The following DHX15 variants were observed in gnomAD, a reference collection of about 807,000 sequenced individuals.
The protein encoded by DHX15 is DEAH-box helicase 15, also known as ATP-dependent RNA helicase DHX15.
In DHX15, 11 loss-of-function variants were observed where a neutral mutation model predicts 94.4. The observed-to-expected ratio is 0.12, with a 90% confidence interval of 0.07 to 0.19. The LOEUF (loss-of-function observed/expected upper bound fraction) is 0.19, where lower values mean the gene tolerates loss of function less well. Ranked by LOEUF, DHX15 falls within the 10% of genes least tolerant of loss-of-function variation. The pLI is 1.00. For synonymous variants in DHX15, 338 were observed against 329.9 expected (o/e 1.02, Z -0.27); for missense variants, 304 against 988.5 (o/e 0.31, Z 9.29).
chr4:24,546,674 G>T (rs1721431730), intron 6 of DHX15, among the ~76,000 whole-genome samples: 1 of 152,038 alleles, frequency 6.6e-6, no homozygotes, highest in African/African-American at 2.4e-5. Flanking sequence ...ATGTTTAAAA[G>T]GCTGTTTTTT....
chr4:24,576,852 C>T (rs1445519910), intron 1 of DHX15, among the ~76,000 whole-genome samples, 174 bp from the exon 2 acceptor site: 1 of 152,136 alleles, frequency 6.6e-6, no homozygotes, highest in South Asian at 2.1e-4. Flanking sequence ...TCCCATTCTC[C>T]ACCACAAACA....
At chr4:24,583,852 G>A (rs1463241230) in intron 1 of DHX15, among the ~76,000 whole-genome samples, 1 of 151,994 alleles carries the variant, frequency 6.6e-6, no homozygotes, top group East Asian at 1.9e-4. Flanking sequence ...TTTCCCGTCT[G>A]GAGTGCCTGG....
intron 1 of DHX15, 24 bp from the exon 2 acceptor site, chr4:24,576,702 A>G: frequency 6.2e-7 from 1 of 1,606,304 alleles, no homozygotes; most frequent in Non-Finnish European, 8.5e-7. Context: ...TTTAGAATTC[A>G]GATTCTGAAT....
intron 6 of DHX15, among the ~76,000 whole-genome samples, chr4:24,547,247 A>G (rs1721444576): frequency 6.6e-6 from 1 of 152,258 alleles, no homozygotes; most frequent in Non-Finnish European, 1.5e-5. Context: ...TGGATGGCAA[A>G]GTGGCAATAT....
At chr4:24,574,785 T>C (rs1722212426) in intron 2 of DHX15, among the ~76,000 whole-genome samples, 1 of 152,170 alleles carries the variant, frequency 6.6e-6, no homozygotes, top group Non-Finnish European at 1.5e-5. Context: ...AAGTATACAG[T>C]GTCTGGCTTT....
At position 24,547,941 on chromosome 4, in the gene DHX15, A is replaced by C. The variant is rs867200331; in HGVS notation, c.1248+914T>G. ...TATATATATATATATATATATATAT[A>C]TCTATATCTATATCTATATCTATCT... On this transcript the variant is annotated intron_variant, in intron 6 of 13. Transcript: ENST00000336812. 6.4e-3 allele frequency among the ~76,000 whole-genome samples: 211 copies of C among 33,052 alleles called. 5 individuals are homozygous for C. Among genetic ancestry groups the C allele is most frequent in the Middle Eastern group, 0.036 (2 of 56 alleles). The allele number at this position is 33,052 out of a possible 152,430, so 21.7% of individuals were successfully genotyped here.
intron 6 of DHX15, among the ~76,000 whole-genome samples, chr4:24,545,886 C>T (rs987020096): frequency 2.6e-5 from 4 of 152,188 alleles, no homozygotes; most frequent in Non-Finnish European, 5.9e-5. Flanking sequence ...GTTCAAACCG[C>T]ATTGACTAAT....
chr4:24,559,354 A>C (rs1433434276), intron 3 of DHX15, among the ~76,000 whole-genome samples: 1 of 144,482 alleles, frequency 6.9e-6, no homozygotes, highest in East Asian at 2.1e-4. Context: ...TGAGAGAATG[A>C]ATTTGTCAAT....
intron 5 of DHX15, among the ~76,000 whole-genome samples, chr4:24,552,295 T>G (rs1490539191): frequency 1.3e-5 from 2 of 152,212 alleles, no homozygotes; most frequent in Non-Finnish European, 2.9e-5. Flanking sequence ...AGCAGCAATA[T>G]GTTAGTAAAT....
intron 3 of DHX15, among the ~76,000 whole-genome samples, chr4:24,560,868 T>C (rs1721859210): frequency 6.6e-6 from 1 of 152,080 alleles, no homozygotes; most frequent in African/African-American, 2.4e-5. Context: ...TAAATGCAAA[T>C]TAAAACCATA....
chr4:24,550,094 C>CAAAAAAAAAAAAAAAAAAAAAAAAAAAA lies in DHX15; in HGVS notation c.1081-1100_1081-1073dup, dbSNP rs58459661. Among the ~76,000 whole-genome samples, 34 of 49,740 alleles carry CAAAAAAAAAAAAAAAAAAAAAAAAAAAA rather than the reference C, an allele frequency of 6.8e-4. 7 individuals carry two copies. The highest frequency in any genetic ancestry group is 2.4e-3 in the South Asian group (2 of 836). The allele number at this position is 49,740 out of a possible 152,430, so 32.6% of individuals were successfully genotyped here. A position where few individuals can be genotyped will look rare whatever the true frequency, so the allele number is the denominator to read the frequency against. ...GGGCAAAAAGAGGGAAACTCCGTCT[C>CAAAAAAAAAAAAAAAAAAAAAAAAAAAA]AAAAAAAAAAAAAAAAAAAAAAAAA... is the stretch of plus-strand genomic sequence containing the variant. On this transcript the variant is annotated intron_variant, in intron 5 of 13. Coordinates refer to ENST00000336812, the MANE Select transcript of DHX15 (RefSeq NM_001358.3).
intron 1 of DHX15, among the ~76,000 whole-genome samples, chr4:24,582,287 T>C (rs539167554): frequency 1.3e-5 from 2 of 152,330 alleles, no homozygotes; most frequent in South Asian, 4.1e-4. Flanking sequence ...CTCTCCTTTA[T>C]CCATAGGCAA....
At chr4:24,547,723 G>C (rs917476851) in intron 6 of DHX15, among the ~76,000 whole-genome samples, 19 of 151,512 alleles carry the variant, frequency 1.3e-4, no homozygotes, top group African/African-American at 4.4e-4. Flanking sequence ...GGCCCAGGAG[G>C]GGGGACTGAT....
At chr4:24,582,268 AAAG>A (rs1402808415) in intron 1 of DHX15, among the ~76,000 whole-genome samples, 1 of 152,238 alleles carries the variant, frequency 6.6e-6, no homozygotes, top group Non-Finnish European at 1.5e-5. Flanking sequence ...GCATTATTCC[AAAG>A]ATGAACTCTC....
rs373239419 is a variant in DHX15, at chr4:24,563,814, C to G, written c.701+6840G>C. Reference sequence around the variant, plus strand: ...GGCACGGTGGCTCACGCCTGTAATCCCAGCACTTTGGGAGGCCGAGGTGGG... The same window carrying G: ...GGCACGGTGGCTCACGCCTGTAATCGCAGCACTTTGGGAGGCCGAGGTGGG... On this transcript the variant is annotated intron_variant, in intron 3 of 13. Coordinates refer to ENST00000336812, the MANE Select transcript of DHX15 (RefSeq NM_001358.3). Among the ~76,000 whole-genome samples the G allele has an allele frequency of 3.7e-3, 556 of 151,984 alleles. 2 individuals carry two copies. The highest frequency in any genetic ancestry group is 0.013 in the African/African-American group (529 of 41,450).
chr4:24,542,535 A>T (rs1300777736), intron 7 of DHX15, among the ~76,000 whole-genome samples: 1 of 152,190 alleles, frequency 6.6e-6, no homozygotes, highest in Non-Finnish European at 1.5e-5. Context: ...GCACTGTTAA[A>T]CTAGAGGAGT....
At chr4:24,556,729 T>G (rs1426811840) in intron 3 of DHX15, among the ~76,000 whole-genome samples, 1 of 152,206 alleles carries the variant, frequency 6.6e-6, no homozygotes, top group Non-Finnish European at 1.5e-5. Context: ...TTCGTCATTT[T>G]CAATTTCTTA....
rs1181398095 is a variant in DHX15, at chr4:24,564,580, C to T, written c.701+6074G>A. Among the ~76,000 whole-genome samples the T allele has an allele frequency of 7.9e-5, 12 of 152,306 alleles. 1 individual carries two copies. The South Asian group carries it at 2.5e-3, about 32-fold the overall frequency. On this transcript the variant is annotated intron_variant, in intron 3 of 13. Transcript: ENST00000336812. ...TTTATTGGCTTGACAGTTTTCCCCT[C>T]CCCAACCAAGTCAGTGAAGAGCCAG... is the stretch of plus-strand genomic sequence containing the variant.
At chr4:24,572,721 G>A (rs894941600) in intron 2 of DHX15, among the ~76,000 whole-genome samples, 9 of 152,070 alleles carry the variant, frequency 5.9e-5, no homozygotes, top group South Asian at 2.1e-4. Context: ...AGAAGAGTGC[G>A]TTTCCTTGTA....
Sources: gnomAD v4.1 joint callset for allele counts (sites outside exome capture counted in the v4.1 genomes callset) on GRCh38, gnomAD v4.1.1 for gene constraint, MANE v1.5 for transcripts, NCBI Gene and HGNC (gene_info 2026-07-23, HGNC 2026-07-21) for gene names.